Variants in VSTM2A observed in about 807,000 individuals in gnomAD.
VSTM2A encodes the protein V-set and transmembrane domain containing 2A.
VSTM2A carries 13 observed loss-of-function variants against 27.3 expected under a neutral mutation model. The observed-to-expected ratio is 0.48, with a 90% CI of 0.31 to 0.76. The LOEUF (loss-of-function observed/expected upper bound fraction) is 0.76, where lower values mean the gene tolerates loss of function less well. VSTM2A is among the 30% of genes least tolerant of loss of function. VSTM2A has a pLI of 0.05. For synonymous variants in VSTM2A, 142 were observed against 125.7 expected, an observed-to-expected ratio of 1.13 and a Z score of -0.87; for missense variants, 280 against 310.0, an observed-to-expected ratio of 0.90 and a Z score of 0.73.
At chr7:54,561,203 G>A (rs1258655980) in intron 4 of VSTM2A, among the ~76,000 whole-genome samples, 1 of 152,160 alleles carries the variant, frequency 6.6e-6, no homozygotes. Context: ...GTGAAGATAG[G>A]AATTGTGTCC....
At chr7:54,546,412 G>A (rs1324266682) in intron 2 of VSTM2A, among the ~76,000 whole-genome samples, 1 of 151,952 alleles carries the variant, frequency 6.6e-6, no homozygotes, top group Non-Finnish European at 1.5e-5. Context: ...GAGCCAGCAA[G>A]AGAATCTGGG....
At chr7:54,550,503 A>T (rs1300615201) in intron 4 of VSTM2A, 1 of 474,258 alleles carries the variant, frequency 2.1e-6, no homozygotes, top group Admixed American at 4.0e-5. Flanking sequence ...CATTTTCTCT[A>T]CAGATTTATG....
intron 1 of VSTM2A, among the ~76,000 whole-genome samples, chr7:54,543,145 C>A (rs1787840117): frequency 6.6e-6 from 1 of 152,096 alleles, no homozygotes; most frequent in Admixed American, 6.5e-5. Flanking sequence ...TCATCGCAAA[C>A]AAACACAGGG....
chr7:54,547,624 T>G (rs2115793874), intron 3 of VSTM2A, among the ~76,000 whole-genome samples: 1 of 152,298 alleles, frequency 6.6e-6, no homozygotes, highest in African/African-American at 2.4e-5. Context: ...AAAGTGAAAG[T>G]CTTATTTTTT....
At chr7:54,552,339 G>A (rs1036416992) in intron 4 of VSTM2A, 9 of 152,130 alleles carry the variant, frequency 5.9e-5, no homozygotes, top group South Asian at 4.2e-4. Flanking sequence ...TTCTAATTTC[G>A]ATTTCAGAAG....
chr7:54,555,894 A>G (rs1199872154), intron 4 of VSTM2A, among the ~76,000 whole-genome samples: 1 of 152,208 alleles, frequency 6.6e-6, no homozygotes, highest in Non-Finnish European at 1.5e-5. Context: ...TGCCAGACTC[A>G]TCAGGGAGCT....
At chr7:54,543,678 G>C (rs1187735429) in intron 1 of VSTM2A, among the ~76,000 whole-genome samples, 3 of 152,160 alleles carry the variant, frequency 2.0e-5, no homozygotes, top group African/African-American at 7.2e-5. Context: ...TTCTCCATAA[G>C]TGTGCATTGT....
At position 54,569,462 on chromosome 7, in the gene VSTM2A, A is replaced by G. The variant is rs983028554; in HGVS notation, c.*243A>G. Reference sequence around the variant, plus strand: ...TCAGGATAGGGAATATTTACTATGGATACCACTAATTTCCTACTAAAGGAC... The same window carrying G: ...TCAGGATAGGGAATATTTACTATGGGTACCACTAATTTCCTACTAAAGGAC... On this transcript the variant is annotated 3_prime_UTR_variant, in exon 5 of 5. Coordinates refer to ENST00000402613, the MANE Select transcript of VSTM2A (RefSeq NM_001301009.2). 1.2e-5 allele frequency: 7 copies of G among 569,304 alleles called. No homozygotes were observed. In the African/African-American group the frequency reaches 1.3e-4, roughly 11 times the overall value. 35.3% of individuals were successfully genotyped at this position (569,304 alleles called of 1,614,324 possible).
chr7:54,550,108 G>T lies in VSTM2A; in HGVS notation c.572G>T (p.Arg191Leu), dbSNP rs200451254. The T allele has an allele frequency of 1.9e-6, 3 of 1,607,602 alleles. No homozygotes were observed. The highest frequency in any genetic ancestry group is 4.5e-5 in the East Asian group (2 of 44,538). The change falls in exon 4 of 5, where the codon CGA (arginine) becomes CTA (leucine). Residue 191 changes from arginine (R) to leucine (L), a missense_variant. By Grantham distance (102) the Arg-to-Leu change is moderately radical (BLOSUM62 -2). Coordinates refer to ENST00000402613, the MANE Select transcript of VSTM2A (RefSeq NM_001301009.2). ...AGCATCCATGGCTCTGCCAACCAACGAACGCACTCCACCTCCAGCCCTCAA... is the reference window on the plus strand; with the variant it reads ...AGCATCCATGGCTCTGCCAACCAACTAACGCACTCCACCTCCAGCCCTCAA... The part of the protein sequence containing the change: ...PSSIHGSANQ[R>L]THSTSSPQVV...
chr7:54,558,247 A>G (rs971049879), intron 4 of VSTM2A: 3 of 152,194 alleles, frequency 2.0e-5, no homozygotes, highest in African/African-American at 7.2e-5. Context: ...GAAAACATAA[A>G]CAAGTTAGAA....
At chr7:54,568,041 A>G (rs888635432) in intron 4 of VSTM2A, among the ~76,000 whole-genome samples, 2 of 152,236 alleles carry the variant, frequency 1.3e-5, no homozygotes, top group East Asian at 3.9e-4. Context: ...GTGAGGAGAT[A>G]CTGTATACTG....
At chr7:54,549,742 T>C in intron 3 of VSTM2A, 92 bp from the exon 4 acceptor site, 1 of 1,251,196 alleles carries the variant, frequency 8.0e-7, no homozygotes, top group Non-Finnish European at 1.1e-6. Context: ...TAAGACCCTT[T>C]AACTTTCCAA....
At chr7:54,550,712 G>A (rs527613455) in intron 4 of VSTM2A, 1 of 155,320 alleles carries the variant, frequency 6.4e-6, no homozygotes, top group South Asian at 2.0e-4. Context: ...ACTGTAAGTG[G>A]TGCAGAGATA....
chr7:54,547,123 C>T, intron 3 of VSTM2A, 126 bp downstream of exon 3: 1 of 990,606 alleles, frequency 1.0e-6, no homozygotes, highest in Non-Finnish European at 1.4e-6. Context: ...TTGCTTGCCT[C>T]ATTAGATACA....
At chr7:54,555,413 T>C (rs912796243) in intron 4 of VSTM2A, among the ~76,000 whole-genome samples, 4 of 152,260 alleles carry the variant, frequency 2.6e-5, no homozygotes, top group African/African-American at 9.6e-5. Flanking sequence ...ATTGCCTGAA[T>C]GTTTTCAGAT....
chr7:54,552,331 CTAA>C (rs2115833598), intron 4 of VSTM2A: 1 of 152,272 alleles, frequency 6.6e-6, no homozygotes, highest in South Asian at 2.1e-4. Context: ...TCAACATTTT[CTAA>C]TTTCGATTTC....
chr7:54,563,886 G>A (rs1489236221), intron 4 of VSTM2A, among the ~76,000 whole-genome samples: 1 of 152,186 alleles, frequency 6.6e-6, no homozygotes, highest in Non-Finnish European at 1.5e-5. Flanking sequence ...ATTGGCACCG[G>A]ACATGTAAGC....
At chr7:54,544,601 G>C (rs369571284) in intron 1 of VSTM2A, 21 bp from the exon 2 acceptor site, 1 of 1,612,672 alleles carries the variant, frequency 6.2e-7, no homozygotes, top group Non-Finnish European at 8.5e-7. Context: ...TATTCCAACA[G>C]GATGCCTTTC....
At chr7:54,547,459 G>A (rs1358123625) in intron 3 of VSTM2A, among the ~76,000 whole-genome samples, 1 of 152,276 alleles carries the variant, frequency 6.6e-6, no homozygotes, top group East Asian at 1.9e-4. Flanking sequence ...TGCATGGAAT[G>A]TATTTCCAGT....
Sources: gnomAD v4.1 joint callset for allele counts (sites outside exome capture counted in the v4.1 genomes callset) on GRCh38, gnomAD v4.1.1 for gene constraint, MANE v1.5 for transcripts, NCBI Gene and HGNC (gene_info 2026-07-23, HGNC 2026-07-21) for gene names.